IL10RB: variants seen among roughly 807,000 people sequenced by gnomAD.
The protein encoded by IL10RB is interleukin-10 receptor subunit beta.
IL10RB carries 30 observed loss-of-function variants against 38.7 expected under a neutral mutation model. The observed-to-expected ratio is 0.78, with a 90% CI of 0.58 to 1.05. The LOEUF is 1.05. IL10RB is among the 50% of genes least tolerant of loss of function. The pLI, the probability that IL10RB is intolerant of heterozygous loss-of-function variation, is 0.00. For synonymous variants in IL10RB, 142 were observed against 145.9 expected (o/e 0.97, Z 0.19); for missense variants, 328 against 397.1 (o/e 0.83, Z 1.48).
chr21:33,285,412 CT>C (rs1333066141), intron 5 of IL10RB, among the ~76,000 whole-genome samples: 1 of 152,128 alleles, frequency 6.6e-6, no homozygotes, highest in African/African-American at 2.4e-5. Flanking sequence ...AGTAGTCTGC[CT>C]CATGGTGTGG....
intron 1 of IL10RB, among the ~76,000 whole-genome samples, chr21:33,303,430 C>G (rs1008221075): frequency 2.5e-4 from 36 of 146,844 alleles, no homozygotes; most frequent in African/African-American, 7.3e-4. Flanking sequence ...TCTAAGTTCA[C>G]TTCAACCTCC....
chr21:33,293,893 C>T (rs1375406886), intron 6 of IL10RB: 4 of 427,776 alleles, frequency 9.4e-6, no homozygotes, highest in Non-Finnish European at 1.9e-5. Flanking sequence ...ACAGCTGCAG[C>T]AGGAAGAACA....
intron 1 of IL10RB, among the ~76,000 whole-genome samples, chr21:33,304,408 C>T (rs1165968614): frequency 2.0e-5 from 3 of 152,188 alleles, no homozygotes; most frequent in South Asian, 4.1e-4. Flanking sequence ...CATGCTGACT[C>T]GGCCTGCTGA....
chr21:33,282,698 G>A (rs980127587), intron 4 of IL10RB, among the ~76,000 whole-genome samples: 3 of 151,984 alleles, frequency 2.0e-5, no homozygotes, highest in African/African-American at 4.8e-5. Context: ...ATTCTCGTGC[G>A]CCACCACGCC....
intron 5 of IL10RB, among the ~76,000 whole-genome samples, chr21:33,285,731 G>C (rs8178511): frequency 6.6e-6 from 1 of 152,136 alleles, no homozygotes; most frequent in Admixed American, 6.5e-5. Flanking sequence ...GTCTCCGGGC[G>C]CCAAATTAGA....
chr21:33,278,593 C>T (rs8178483), intron 3 of IL10RB, among the ~76,000 whole-genome samples: 2,053 of 152,244 alleles, frequency 0.013, 44 homozygotes, highest in African/African-American at 0.047. Context: ...AGGTACAACA[C>T]GGTTAAGCAG....
chr21:33,266,415 G>T lies in IL10RB; in HGVS notation c.-51G>T. Reference sequence around the variant, plus strand: ...GCCGCGGACAAGCTCTCCCGGGCGCGGGCGGGGGTCGTGTGCTTGGAGGAA... The same window carrying T: ...GCCGCGGACAAGCTCTCCCGGGCGCTGGCGGGGGTCGTGTGCTTGGAGGAA... On this transcript the variant is annotated 5_prime_UTR_variant, in exon 1 of 7. Transcript: ENST00000290200. 6.5e-7 allele frequency: 1 copy of T among 1,529,420 alleles called. No homozygotes were observed. Among genetic ancestry groups the T allele is most frequent in the African/African-American group, 1.4e-5 (1 of 71,728 alleles). 94.7% of individuals were successfully genotyped at this position (1,529,420 alleles called of 1,614,324 possible).
At chr21:33,290,833 A>G (rs1989471988) in intron 6 of IL10RB, among the ~76,000 whole-genome samples, 1 of 152,192 alleles carries the variant, frequency 6.6e-6, no homozygotes, top group African/African-American at 2.4e-5. Context: ...ACCATGTGAT[A>G]CGGCGTCTCT....
chr21:33,266,483 G>C lies in IL10RB; in HGVS notation c.18G>C (p.Gly6=), dbSNP rs1418085929. 1 of 1,542,734 alleles carries C rather than the reference G, an allele frequency of 6.5e-7. No homozygotes were observed. The highest frequency in any genetic ancestry group is 1.4e-5 in the African/African-American group (1 of 73,146). MAWSL[G]SWLGGCLLVS... is the part of the protein sequence containing the mutation. ...GTCCGTCCATGGCGTGGAGCCTTGG[G>C]AGCTGGCTGGGTGGCTGCCTGCTGG... is the stretch of plus-strand genomic sequence containing the variant. The change falls in exon 1 of 7, where the codon GGG becomes GGC. Residue 6 remains glycine (G), a synonymous_variant. Transcript: ENST00000290200.
chr21:33,286,483 C>T (rs926332324), intron 5 of IL10RB, among the ~76,000 whole-genome samples: 11 of 152,162 alleles, frequency 7.2e-5, no homozygotes, highest in African/African-American at 2.4e-4. Flanking sequence ...AGGTGACATC[C>T]TGGACTCTGT....
chr21:33,272,180 C>G (rs1372664022), intron 2 of IL10RB, among the ~76,000 whole-genome samples: 1 of 152,148 alleles, frequency 6.6e-6, no homozygotes, highest in Non-Finnish European at 1.5e-5. Flanking sequence ...AGGGATTTTT[C>G]TAGGTATCAC....
rs1306808709 is a variant in IL10RB at position 33,268,396 on chromosome 21, T to C, written c.52T>C (p.Leu18=). ...WLGGCLLVSA[L]GMVPPPENVR... ...ATGTTTTTGTCTTATTTTCATAGCA[T>C]TGGGAATGGTACCACCTCCCGAAAA... The change falls in exon 2 of 7, where the codon TTG becomes CTG. Residue 18 remains leucine, a splice_region_variant and synonymous_variant. Coordinates refer to ENST00000290200, the MANE Select transcript of IL10RB (RefSeq NM_000628.5). 3 of 1,613,968 alleles carry C rather than the reference T, an allele frequency of 1.9e-6. No homozygotes were observed. Among genetic ancestry groups the C allele is most frequent in the African/African-American group, 2.7e-5 (2 of 74,942 alleles).
chr21:33,283,006 C>T (rs1355292838), intron 4 of IL10RB, 88 bp from the exon 5 acceptor site: 14 of 1,066,514 alleles, frequency 1.3e-5, no homozygotes, highest in Admixed American at 1.7e-5. Flanking sequence ...AAGTCTAAAA[C>T]GGCTATTATC....
At chr21:33,271,909 T>C (rs372836004) in intron 2 of IL10RB, among the ~76,000 whole-genome samples, 5 of 151,494 alleles carry the variant, frequency 3.3e-5, no homozygotes, top group Non-Finnish European at 5.9e-5. Context: ...CTGGGCAACA[T>C]AGCAGCCTCT....
rs758348143 is a variant in IL10RB, at chr21:33,283,231, A to C, written c.636A>C (p.Thr212=). The C allele has an allele frequency of 2.1e-5, 34 of 1,613,806 alleles. No homozygotes were observed. The South Asian group carries it at 3.2e-4, about 15-fold the overall frequency. The change falls in exon 5 of 7, where the codon ACA becomes ACC. Residue 212 remains threonine, a synonymous_variant. Coordinates refer to ENST00000290200, the MANE Select transcript of IL10RB (RefSeq NM_000628.5). The part of the protein sequence containing the change: ...GEWSEPVCEQ[T]THDETVPSWM... ...GGAGTGAGCCTGTCTGTGAGCAAAC[A>C]ACCCATGACGGTAAGCCCTGAGATG...
At chr21:33,275,002 ATCATTTT>A (rs1264777516) in intron 2 of IL10RB, among the ~76,000 whole-genome samples, 2 of 152,172 alleles carry the variant, frequency 1.3e-5, no homozygotes, top group Non-Finnish European at 2.9e-5. Flanking sequence ...ATCCACCTTC[ATCATTTT>A]AGCTAGATTT....
At chr21:33,298,911 T>G (rs2082978062), downstream of IL10RB, among the ~76,000 whole-genome samples, 1 of 152,174 alleles carries the variant, frequency 6.6e-6, no homozygotes, top group Admixed American at 6.5e-5. Flanking sequence ...TCGTCATGTG[T>G]GCAGGTGTCA....
At chr21:33,269,651 A>ATTTTTTTTTTTTTTTTTTTTTTTTTTTT (rs529634707) in intron 2 of IL10RB, among the ~76,000 whole-genome samples, 1 of 137,332 alleles carries the variant, frequency 7.3e-6, no homozygotes. Flanking sequence ...AGATTCACCA[A>ATTTTTTTTTTTTTTTTTTTTTTTTTTTT]TTTTTTTTTT....
At chr21:33,291,934 C>T (rs1046572375) in intron 6 of IL10RB, among the ~76,000 whole-genome samples, 6 of 152,316 alleles carry the variant, frequency 3.9e-5, no homozygotes, top group Admixed American at 1.3e-4. Context: ...CCTGCCACCA[C>T]GGCTGCTGTG....
Sources: gnomAD v4.1 joint callset for allele counts (sites outside exome capture counted in the v4.1 genomes callset) on GRCh38, gnomAD v4.1.1 for gene constraint, MANE v1.5 for transcripts, NCBI Gene and HGNC (gene_info 2026-07-23, HGNC 2026-07-21) for gene names.